Variants in CCNI observed in about 807,000 individuals in gnomAD.
CCNI encodes cyclin-I.
Under a neutral mutation model 34.1 loss-of-function variants are expected in CCNI, and 14 were observed. That is an observed-to-expected ratio of 0.41 (90% CI 0.27 to 0.64). The LOEUF (loss-of-function observed/expected upper bound fraction) is 0.64. Ranked by LOEUF, CCNI falls within the 30% of genes least tolerant of loss-of-function variation. The pLI, the probability that CCNI is intolerant of heterozygous loss-of-function variation, is 0.31. For missense variants in CCNI, 385 were observed against 440.5 expected (o/e 0.87, Z 1.13); for synonymous variants, 154 against 158.4 (o/e 0.97, Z 0.21).
chr4:77,050,560 A>T (rs1727757127), intron 6 of CCNI, among the ~76,000 whole-genome samples: 1 of 152,232 alleles, frequency 6.6e-6, no homozygotes, highest in African/African-American at 2.4e-5. Flanking sequence ...AGATTTTAGC[A>T]TCTACCATAA....
chr4:77,062,912 GT>G (rs1728712142), intron 2 of CCNI, among the ~76,000 whole-genome samples: 1 of 152,132 alleles, frequency 6.6e-6, no homozygotes, highest in South Asian at 2.1e-4. Context: ...ACACAGTAAG[GT>G]ACCTGAATGA....
At chr4:77,070,465 G>T (rs1289974933) in intron 1 of CCNI, among the ~76,000 whole-genome samples, 2 of 147,702 alleles carry the variant, frequency 1.4e-5, no homozygotes, top group African/African-American at 5.0e-5. Flanking sequence ...TGCGAGGTTT[G>T]GGTACTTTCT....
In CCNI at chr4:77,066,280, T is replaced by G. The variant is rs372347507; in HGVS notation, c.83A>C (p.Lys28Thr). Residue 28 changes from lysine to threonine, a missense_variant, in exon 2 of 7, where the codon AAA (lysine) becomes ACA (threonine). Transcript: ENST00000237654. ...TGAAGGCATTTTCCGCACATTCACTTTCCACATCTGTGCTTCCCTAGTGAT... is the reference window on the plus strand; with the variant it reads ...TGAAGGCATTTTCCGCACATTCACTGTCCACATCTGTGCTTCCCTAGTGAT... The part of the protein sequence containing the change: ...KAITREAQMW[K>T]VNVRKMPSNQ... 140 of 1,613,994 alleles carry G rather than the reference T, an allele frequency of 8.7e-5. No homozygotes were observed. The highest frequency in any genetic ancestry group is 1.2e-4 in the Non-Finnish European group (136 of 1,179,982).
At chr4:77,068,441 T>C (rs901397124) in intron 1 of CCNI, among the ~76,000 whole-genome samples, 1 of 152,052 alleles carries the variant, frequency 6.6e-6, no homozygotes, top group Non-Finnish European at 1.5e-5. Context: ...TAGTAGGAAA[T>C]TCATAAATAT....
At chr4:77,069,189 G>T (rs1459658885) in intron 1 of CCNI, among the ~76,000 whole-genome samples, 1 of 152,180 alleles carries the variant, frequency 6.6e-6, no homozygotes, top group Admixed American at 6.5e-5. Context: ...GGCTGAGGAG[G>T]ACAGATTGCT....
At chr4:77,075,036 T>C (rs1168042253) in intron 1 of CCNI, 1 of 139,976 alleles carries the variant, frequency 7.1e-6, no homozygotes, top group African/African-American at 2.6e-5. Flanking sequence ...CCCCATTCAT[T>C]TGGCATTCAG....
In CCNI at chr4:77,048,393, A is replaced by C; in HGVS notation, c.960T>G (p.Ser320=). The C allele has an allele frequency of 6.2e-7, 1 of 1,614,118 alleles. No individual in the cohort carries two copies. Among genetic ancestry groups the C allele is most frequent in the Non-Finnish European group, 8.5e-7 (1 of 1,179,998 alleles). ...LPAASGCKQT[S]TKRKVEEMEV... is the part of the protein sequence containing the mutation. ...CCATTTCCTCTACTTTGCGTTTAGTAGAGGTCTGCTTGCACCCACTGGCAG... is the reference window on the plus strand; with the variant it reads ...CCATTTCCTCTACTTTGCGTTTAGTCGAGGTCTGCTTGCACCCACTGGCAG... Residue 320 remains serine (S), a synonymous_variant, in exon 7 of 7, where the codon TCT becomes TCG. Transcript: ENST00000237654.
chr4:77,069,188 G>C (rs1167097416), intron 1 of CCNI, among the ~76,000 whole-genome samples: 1 of 152,202 alleles, frequency 6.6e-6, no homozygotes, highest in East Asian at 1.9e-4. Context: ...AGGCTGAGGA[G>C]GACAGATTGC....
At chr4:77,073,280 T>C (rs931675577) in intron 1 of CCNI, among the ~76,000 whole-genome samples, 1 of 152,236 alleles carries the variant, frequency 6.6e-6, no homozygotes, top group Non-Finnish European at 1.5e-5. Context: ...AATAGCTTAA[T>C]GTCTGAGGTA....
chr4:77,061,039 G>C (rs558656957), intron 2 of CCNI, among the ~76,000 whole-genome samples: 2 of 152,168 alleles, frequency 1.3e-5, no homozygotes, highest in Non-Finnish European at 2.9e-5. Context: ...GATTACAGGT[G>C]TAAGCCACTA....
Position 77,070,017 on chromosome 4 carries a change from CT to C in CCNI, c.-43-3613del, listed in dbSNP as rs569456948. On this transcript the variant is annotated intron_variant, in intron 1 of 6. Coordinates refer to ENST00000237654, the MANE Select transcript of CCNI (RefSeq NM_006835.3). ...CATAAATACAGTCTAAAATCATGGGCTTTTTTTTTTTTTTTTTGAGACAAGA... is the reference window on the plus strand; with the variant it reads ...CATAAATACAGTCTAAAATCATGGGCTTTTTTTTTTTTTTTTGAGACAAGA... 9.8e-3 allele frequency among the ~76,000 whole-genome samples: 1,285 copies of C among 131,496 alleles called. 7 individuals carry two copies. Among genetic ancestry groups the C allele is most frequent in the African/African-American group, 0.025 (870 of 34,888 alleles). The allele number at this position is 131,496 out of a possible 152,430, so 86.3% of individuals were successfully genotyped here.
intron 4 of CCNI, 28 bp from the exon 5 acceptor site, chr4:77,056,130 A>G (rs769477142): frequency 4.4e-6 from 7 of 1,608,694 alleles, no homozygotes; most frequent in Non-Finnish European, 5.9e-6. Flanking sequence ...GAACAGGGAC[A>G]GGGAGAAAAG....
chr4:77,065,907 C>T (rs1729000899), intron 2 of CCNI, among the ~76,000 whole-genome samples: 1 of 152,186 alleles, frequency 6.6e-6, no homozygotes, highest in African/African-American at 2.4e-5. Flanking sequence ...CCAGACTAGG[C>T]TGGGCAACAT....
intron 2 of CCNI, among the ~76,000 whole-genome samples, chr4:77,063,977 C>A (rs549237455): frequency 6.3e-4 from 96 of 152,256 alleles, no homozygotes; most frequent in African/African-American, 2.3e-3. Context: ...TGTGGTTGCT[C>A]ACGCCTGTAA....
chr4:77,048,382 T>G lies in CCNI; in HGVS notation c.971A>C (p.Lys324Thr), dbSNP rs778736584. The G allele has an allele frequency of 6.2e-7, 1 of 1,614,090 alleles. No homozygotes were observed. Among genetic ancestry groups the G allele is most frequent in the Admixed American group, 1.7e-5 (1 of 60,018 alleles). Reference protein sequence around the residue: ...SGCKQTSTKRKVEEMEVDDFY... With the variant: ...SGCKQTSTKRTVEEMEVDDFY... The stretch of plus-strand genomic sequence containing the variant: ...GTCATCCACTTCCATTTCCTCTACT[T>G]TGCGTTTAGTAGAGGTCTGCTTGCA... The change falls in exon 7 of 7, where the codon AAA becomes ACA. Residue 324 changes from lysine to threonine, a missense_variant. Coordinates refer to ENST00000237654, the MANE Select transcript of CCNI (RefSeq NM_006835.3).
At chr4:77,069,101 T>G (rs1365083190) in intron 1 of CCNI, among the ~76,000 whole-genome samples, 1 of 152,332 alleles carries the variant, frequency 6.6e-6, no homozygotes, top group East Asian at 1.9e-4. Flanking sequence ...TAAAGCAGCT[T>G]TCTGTTAACT....
At chr4:77,064,925 C>G (rs1728924903) in intron 2 of CCNI, 1 of 152,176 alleles carries the variant, frequency 6.6e-6, no homozygotes, top group African/African-American at 2.4e-5. Flanking sequence ...GGTGATCTGC[C>G]CACCTCAGCC....
chr4:77,048,988 T>TC (rs1491132972), intron 6 of CCNI, among the ~76,000 whole-genome samples: 6 of 126,626 alleles, frequency 4.7e-5, no homozygotes, highest in South Asian at 2.6e-4. Flanking sequence ...TTTTTTTTTT[T>TC]CAGTCTATTC....
At chr4:77,061,668 G>A (rs143254044) in intron 2 of CCNI, among the ~76,000 whole-genome samples, 1 of 151,792 alleles carries the variant, frequency 6.6e-6, no homozygotes, top group African/African-American at 2.4e-5. Context: ...CTTTGTTGTT[G>A]TTGTTTTTGT....
Sources: gnomAD v4.1 joint callset for allele counts (sites outside exome capture counted in the v4.1 genomes callset) on GRCh38, gnomAD v4.1.1 for gene constraint, MANE v1.5 for transcripts, NCBI Gene and HGNC (gene_info 2026-07-23, HGNC 2026-07-21) for gene names.